KCNG3: variants seen among roughly 807,000 people sequenced by gnomAD.
KCNG3 encodes potassium voltage-gated channel modifier subfamily G member 3.
KCNG3 carries 15 observed loss-of-function variants against 29.0 expected under a neutral mutation model. The ratio of observed to expected loss-of-function variants is 0.52; its 90% CI spans 0.35 to 0.80. The LOEUF (loss-of-function observed/expected upper bound fraction) is 0.80, where lower values mean the gene tolerates loss of function less well. Among genes scored for constraint, KCNG3 ranks in the 30% least tolerant of loss-of-function variants. KCNG3 has a pLI of 0.01. For synonymous variants in KCNG3, 322 were observed against 248.9 expected (o/e 1.29, Z -2.76); for missense variants, 512 against 605.7 (o/e 0.85, Z 1.62).
Position 42,458,265 on chromosome 2 carries a change from C to G in KCNG3, c.666-13686G>C, listed in dbSNP as rs115224163. 4.2e-3 allele frequency among the ~76,000 whole-genome samples: 640 copies of G among 152,244 alleles called. 2 individuals carry two copies. The highest frequency in any genetic ancestry group is 0.015 in the African/African-American group (612 of 41,562). On this transcript the variant is annotated intron_variant, in intron 1 of 1. Coordinates refer to ENST00000306078, the MANE Select transcript of KCNG3 (RefSeq NM_133329.6). The stretch of plus-strand genomic sequence containing the variant: ...TTTTAAGGGGCTGCTATTATTCCGT[C>G]GGATCTCTTTTCCTGCAATCACCTC...
the KCNG3 span, among the ~76,000 whole-genome samples, chr2:42,401,533 C>T: frequency 1.3e-5 from 2 of 152,052 alleles, no homozygotes; most frequent in African/African-American, 4.8e-5. Context: ...CCTCAACCTC[C>T]TGGGCTCAAG....
At chr2:42,492,590 C>T in intron 1 of KCNG3, among the ~76,000 whole-genome samples, 1 of 152,364 alleles carries the variant, frequency 6.6e-6, no homozygotes, top group East Asian at 1.9e-4. Context: ...CACGCCCCTC[C>T]CCATGCCTGA....
At chr2:42,436,826 T>G in the KCNG3 span, among the ~76,000 whole-genome samples, 1 of 152,340 alleles carries the variant, frequency 6.6e-6, no homozygotes, top group East Asian at 1.9e-4. Flanking sequence ...AAATCTGATT[T>G]TACACACGCT....
At chr2:42,400,497 G>A in the KCNG3 span, among the ~76,000 whole-genome samples, 1 of 152,142 alleles carries the variant, frequency 6.6e-6, no homozygotes, top group Admixed American at 6.5e-5. Flanking sequence ...TGGAGGAGTT[G>A]AGAGAACCCA....
chr2:42,392,228 T>A, the KCNG3 span, among the ~76,000 whole-genome samples: 3 of 152,072 alleles, frequency 2.0e-5, no homozygotes, highest in Admixed American at 2.0e-4. Context: ...GAAAGGGAGT[T>A]TGTCTCCCGT....
At position 42,457,457 on chromosome 2, in the gene KCNG3, C is replaced by T. The variant is rs187315264; in HGVS notation, c.666-12878G>A. Among the ~76,000 whole-genome samples, 247 of 151,688 alleles carry T rather than the reference C, an allele frequency of 1.6e-3. 2 individuals are homozygous for T. Among genetic ancestry groups the T allele is most frequent in the African/African-American group, 5.1e-3 (210 of 41,366 alleles). On this transcript the variant is annotated intron_variant, in intron 1 of 1. Coordinates refer to ENST00000306078, the MANE Select transcript of KCNG3 (RefSeq NM_133329.6). ...CTGAAGTGAGCTGTGATTGTGCCAC[C>T]GCACTCCAGCTGGGCGACAGAGAGA...
intron 1 of KCNG3, among the ~76,000 whole-genome samples, chr2:42,460,881 G>C (rs1045622222): frequency 6.6e-6 from 1 of 152,080 alleles, no homozygotes; most frequent in African/African-American, 2.4e-5. Flanking sequence ...AAAAAGGTAG[G>C]CCAGGCGCGG....
At chr2:42,405,139 G>A in the KCNG3 span, among the ~76,000 whole-genome samples, 3 of 152,222 alleles carry the variant, frequency 2.0e-5, no homozygotes, top group African/African-American at 4.8e-5. Flanking sequence ...AAATGCCCTC[G>A]AAGGAGATGG....
At chr2:42,414,185 A>G in the KCNG3 span, among the ~76,000 whole-genome samples, 1 of 152,286 alleles carries the variant, frequency 6.6e-6, no homozygotes, top group Non-Finnish European at 1.5e-5. Flanking sequence ...TTGTGGCATC[A>G]TGCTCTTTCC....
At chr2:42,424,465 A>C in the KCNG3 span, among the ~76,000 whole-genome samples, 1 of 151,834 alleles carries the variant, frequency 6.6e-6, no homozygotes, top group Non-Finnish European at 1.5e-5. Context: ...CAAAACATTA[A>C]TTATCTTCTC....
rs779143499 is a variant in KCNG3 at position 42,493,292 on chromosome 2, G to A, written c.210C>T (p.Phe70=). ...CGCGCACGTAGAGCAGGATGAAGCC[G>A]AAGGCCTCCGAGTGCCGGTCGAAGA... ...EYFFDRHSEA[F]GFILLYVRGH... is the part of the protein sequence containing the mutation. Residue 70 remains phenylalanine (F), a synonymous_variant, in exon 1 of 2, where the codon TTC becomes TTT. Coordinates refer to ENST00000306078, the MANE Select transcript of KCNG3 (RefSeq NM_133329.6). 11 of 1,611,534 alleles carry A rather than the reference G, an allele frequency of 6.8e-6. No individual in the cohort carries two copies. The highest frequency in any genetic ancestry group is 4.0e-5 in the African/African-American group (3 of 74,896).
chr2:42,392,610 G>A, the KCNG3 span, among the ~76,000 whole-genome samples: 2 of 152,124 alleles, frequency 1.3e-5, no homozygotes, highest in Admixed American at 6.6e-5. Flanking sequence ...CAGCCAAAGA[G>A]ATGGGAGCTC....
chr2:42,471,098 G>A (rs1673274042), intron 1 of KCNG3, among the ~76,000 whole-genome samples: 1 of 151,792 alleles, frequency 6.6e-6, no homozygotes, highest in Non-Finnish European at 1.5e-5. Flanking sequence ...GCTGCAGTGA[G>A]CTATGATCGT....
chr2:42,478,755 G>A (rs1368111662), intron 1 of KCNG3, among the ~76,000 whole-genome samples: 3 of 151,990 alleles, frequency 2.0e-5, no homozygotes, highest in East Asian at 3.9e-4. Context: ...TGAGGGCAAG[G>A]GTCCCGTCTT....
intron 1 of KCNG3, among the ~76,000 whole-genome samples, chr2:42,458,610 CT>C (rs1342319947): frequency 1.3e-5 from 2 of 152,272 alleles, no homozygotes; most frequent in East Asian, 3.9e-4. Context: ...ACAAATAACC[CT>C]TATCTTTTCT....
At chr2:42,410,950 A>T in the KCNG3 span, among the ~76,000 whole-genome samples, 40 of 152,270 alleles carry the variant, frequency 2.6e-4, no homozygotes, top group Admixed American at 2.0e-3. Context: ...TTTAACCTTT[A>T]ACCACTGGGA....
At chr2:42,429,733 C>G in the KCNG3 span, among the ~76,000 whole-genome samples, 1 of 152,174 alleles carries the variant, frequency 6.6e-6, no homozygotes, top group African/African-American at 2.4e-5. Flanking sequence ...CTCTCCCCAA[C>G]CCAGGTGATG....
At chr2:42,429,929 G>A in the KCNG3 span, among the ~76,000 whole-genome samples, 1 of 152,178 alleles carries the variant, frequency 6.6e-6, no homozygotes, top group South Asian at 2.1e-4. Context: ...GGCAGCTGCT[G>A]TTGTGTCCTT....
At chr2:42,452,243 A>ATATATATATATATATTTTTTTTTTT in intron 1 of KCNG3, among the ~76,000 whole-genome samples, 3 of 95,066 alleles carry the variant, frequency 3.2e-5, no homozygotes, top group African/African-American at 1.2e-4. Context: ...ATATATATAT[A>ATATATATATATATATTTTTTTTTTT]TTTTTTTTTT....
Sources: allele counts gnomAD v4.1 joint callset (sites outside exome capture counted in the v4.1 genomes callset), GRCh38; gene constraint gnomAD v4.1.1; transcripts MANE v1.5; gene names NCBI Gene and HGNC (gene_info 2026-07-23, HGNC 2026-07-21).